The following AUTS2 variants were observed in gnomAD, a reference collection of about 807,000 sequenced individuals.
The protein encoded by AUTS2 is activator of transcription and developmental regulator AUTS2.
AUTS2 carries 17 observed loss-of-function variants against 112.4 expected under a neutral mutation model. The observed-to-expected ratio is 0.15, with a 90% confidence interval of 0.10 to 0.23. AUTS2 has a LOEUF of 0.23. AUTS2 is among the 10% of genes least tolerant of loss of function. AUTS2 has a pLI of 1.00. For synonymous variants in AUTS2, 751 were observed against 702.7 expected (o/e 1.07, Z -1.09); for missense variants, 1,510 against 1,701.6 (o/e 0.89, Z 1.98).
At chr7:70,255,921 T>C (rs755174630) in intron 4 of AUTS2, among the ~76,000 whole-genome samples, 5 of 152,260 alleles carry the variant, frequency 3.3e-5, no homozygotes, top group Non-Finnish European at 5.9e-5. Flanking sequence ...AGAACCAGCC[T>C]ATAACTTTTC....
At chr7:70,250,341 C>T (rs1193986022) in intron 4 of AUTS2, among the ~76,000 whole-genome samples, 1 of 152,184 alleles carries the variant, frequency 6.6e-6, no homozygotes, top group Admixed American at 6.5e-5. Context: ...TGATACCAGA[C>T]ATGCAATAGA....
intron 5 of AUTS2, among the ~76,000 whole-genome samples, chr7:70,541,620 T>A (rs1800556414): frequency 6.6e-6 from 1 of 152,228 alleles, no homozygotes; most frequent in African/African-American, 2.4e-5. Context: ...TCAACCACTG[T>A]GTGCCAGACA....
chr7:69,955,126 G>A (rs939309537), intron 2 of AUTS2, among the ~76,000 whole-genome samples: 4 of 152,104 alleles, frequency 2.6e-5, no homozygotes, highest in South Asian at 2.1e-4. Flanking sequence ...ATTAAGAAGG[G>A]GTGTTTTTAA....
intron 1 of AUTS2, among the ~76,000 whole-genome samples, chr7:69,791,899 C>G (rs1584252606): frequency 6.6e-6 from 1 of 152,206 alleles, no homozygotes; most frequent in East Asian, 1.9e-4. Context: ...GTGCCTGGCC[C>G]ATTTCCATTT....
chr7:70,004,440 A>ATAT (rs1563032011), intron 2 of AUTS2, among the ~76,000 whole-genome samples: 1 of 1,966 alleles, frequency 5.1e-4, no homozygotes. Context: ...TATATATATA[A>ATAT]AATGCCATAA....
chr7:70,230,173 A>G (rs1283999493), intron 4 of AUTS2, among the ~76,000 whole-genome samples: 1 of 152,092 alleles, frequency 6.6e-6, no homozygotes, highest in Non-Finnish European at 1.5e-5. Flanking sequence ...TTTAGATAAT[A>G]TATTGTAGCA....
intron 5 of AUTS2, among the ~76,000 whole-genome samples, chr7:70,448,674 A>C (rs1796413752): frequency 6.6e-6 from 1 of 152,244 alleles, no homozygotes; most frequent in African/African-American, 2.4e-5. Context: ...CAGAGACAGC[A>C]TGACAACATA....
At chr7:69,756,590 T>TC (rs1787955189) in intron 1 of AUTS2, among the ~76,000 whole-genome samples, 1 of 72,834 alleles carries the variant, frequency 1.4e-5, no homozygotes, top group African/African-American at 5.8e-5. Flanking sequence ...CTTTATTGTA[T>TC]CTTTTTTTTT....
chr7:70,781,493 TCA>T lies in AUTS2; in HGVS notation c.2005-119_2005-118del, dbSNP rs1791077288. ...ATGGTTTTTGTGTAGCTGCTTTCTC[TCA>T]CAGTGTTTGTAAACTTGAACCCAAG... On this transcript the variant is annotated intron_variant, in intron 14 of 18. Transcript: ENST00000342771. 4.1e-6 allele frequency: 5 copies of T among 1,228,802 alleles called. No homozygotes were observed. In the Admixed American group the frequency reaches 7.4e-5, roughly 18 times the overall value. 76.1% of individuals were successfully genotyped at this position (1,228,802 alleles called of 1,614,324 possible).
At chr7:70,291,809 A>G (rs967673565) in intron 4 of AUTS2, 4 of 152,184 alleles carry the variant, frequency 2.6e-5, no homozygotes, top group Non-Finnish European at 4.4e-5. Context: ...GAGAAATAAG[A>G]CAAACTAGAG....
At chr7:70,784,899 T>C in intron 15 of AUTS2, 43 bp from the exon 16 acceptor site, 2 of 1,593,732 alleles carry the variant, frequency 1.3e-6, no homozygotes, top group Non-Finnish European at 1.7e-6. Flanking sequence ...TCTTCGAAGT[T>C]GGCTTTTTGT....
At chr7:70,509,399 T>A (rs1799095943) in intron 5 of AUTS2, among the ~76,000 whole-genome samples, 2 of 152,332 alleles carry the variant, frequency 1.3e-5, no homozygotes, top group South Asian at 4.1e-4. Context: ...GAAAGTACCC[T>A]ACGGAAGGTA....
intron 1 of AUTS2, among the ~76,000 whole-genome samples, chr7:69,646,779 GT>G (rs60569601): frequency 0.097 from 14,758 of 152,126 alleles, 1,128 homozygotes; most frequent in African/African-American, 0.21. Context: ...TCTCTTCCCT[GT>G]TTGCTTTAAA....
chr7:70,251,225 C>A (rs969526049), intron 4 of AUTS2, among the ~76,000 whole-genome samples: 2 of 152,030 alleles, frequency 1.3e-5, no homozygotes, highest in African/African-American at 4.8e-5. Context: ...CCACTACACA[C>A]AGCTAATTTT....
intron 5 of AUTS2, among the ~76,000 whole-genome samples, chr7:70,644,056 G>A (rs62456777): frequency 0.019 from 2,824 of 152,244 alleles, 45 homozygotes; most frequent in East Asian, 0.068. Context: ...TGGTCTAGAC[G>A]ACACTTTGGG....
rs528009205 is a variant in AUTS2, at chr7:70,108,783, C to CAAA, written c.523-9320_523-9318dup. Among the ~76,000 whole-genome samples, 106 of 69,156 alleles carry CAAA rather than the reference C, an allele frequency of 1.5e-3. 3 individuals are homozygous for CAAA. The highest frequency in any genetic ancestry group is 3.3e-3 in the African/African-American group (61 of 18,522). The allele number at this position is 69,156 out of a possible 152,430, so 45.4% of individuals were successfully genotyped here. ...TTCCAGACCAGCCTGGCCAACATGG[C>CAAA]AAAAAAAAAAAAAAAAAAAAAAAAA... On this transcript the variant is annotated intron_variant, in intron 2 of 18. Transcript: ENST00000342771.
intron 6 of AUTS2, among the ~76,000 whole-genome samples, chr7:70,713,326 A>C (rs1235241397): frequency 6.6e-6 from 1 of 152,202 alleles, no homozygotes; most frequent in East Asian, 1.9e-4. Flanking sequence ...TCTGTTTTAA[A>C]CTGCTTTATC....
At chr7:69,644,938 C>T in intron 1 of AUTS2, among the ~76,000 whole-genome samples, 1 of 152,050 alleles carries the variant, frequency 6.6e-6, no homozygotes, top group East Asian at 1.9e-4. Flanking sequence ...GAGACGGGGT[C>T]TTGCTCTGTG....
intron 5 of AUTS2, among the ~76,000 whole-genome samples, chr7:70,438,364 A>G (rs1795981650): frequency 6.6e-6 from 1 of 152,156 alleles, no homozygotes; most frequent in East Asian, 1.9e-4. Context: ...GGGAAGGGGT[A>G]TTAGGAGTGT....
Sources: allele counts gnomAD v4.1 joint callset (sites outside exome capture counted in the v4.1 genomes callset), GRCh38; gene constraint gnomAD v4.1.1; transcripts MANE v1.5; gene names NCBI Gene and HGNC (gene_info 2026-07-23, HGNC 2026-07-21).